DOCK5: variants seen among roughly 807,000 people sequenced by gnomAD.
DOCK5 encodes the protein dedicator of cytokinesis 5.
A neutral mutation model predicts 251.8 loss-of-function variants in DOCK5; 142 were observed. The ratio of observed to expected loss-of-function variants is 0.56; its 90% confidence interval spans 0.49 to 0.65. DOCK5 has a LOEUF of 0.65. Among genes scored for constraint, DOCK5 ranks in the 30% least tolerant of loss-of-function variants. DOCK5 has a pLI of 0.00. For synonymous variants in DOCK5, 842 were observed against 835.5 expected (o/e 1.01, Z -0.13); for missense variants, 2,111 against 2,312.3 (o/e 0.91, Z 1.79).
At chr8:25,323,444 C>T (rs1176096614) in intron 16 of DOCK5, among the ~76,000 whole-genome samples, 1 of 152,116 alleles carries the variant, frequency 6.6e-6, no homozygotes, top group East Asian at 1.9e-4. Context: ...AGCCTAGAGA[C>T]AGAGAGATGC....
At chr8:25,318,387 C>T (rs1805319312) in intron 14 of DOCK5, among the ~76,000 whole-genome samples, 1 of 152,104 alleles carries the variant, frequency 6.6e-6, no homozygotes, top group Non-Finnish European at 1.5e-5. Flanking sequence ...CCATGTGCTG[C>T]CTGCTTTGCT....
chr8:25,290,953 G>A (rs960672583), intron 5 of DOCK5, among the ~76,000 whole-genome samples: 1 of 152,162 alleles, frequency 6.6e-6, no homozygotes, highest in Non-Finnish European at 1.5e-5. Flanking sequence ...AAAGGATAGG[G>A]GTGGGGTAGA....
rs1805231157 is a variant in DOCK5, at chr8:25,315,767, C to T, written c.1319-1240C>T. Reference sequence around the variant, plus strand: ...GTTTCTCCATTGACAAAGAGTGTGTCAAGTAAGATTTCAAACTGTGCTGTG... The same window carrying T: ...GTTTCTCCATTGACAAAGAGTGTGTTAAGTAAGATTTCAAACTGTGCTGTG... On this transcript the variant is annotated intron_variant, in intron 13 of 51. Coordinates refer to ENST00000276440, the MANE Select transcript of DOCK5 (RefSeq NM_024940.8). Among the ~76,000 whole-genome samples the T allele has an allele frequency of 2.0e-5, 3 of 152,294 alleles. No individual in the cohort carries two copies. The South Asian group carries it at 6.2e-4, about 32-fold the overall frequency.
chr8:25,301,040 A>G (rs1804747140), intron 9 of DOCK5, among the ~76,000 whole-genome samples: 1 of 152,256 alleles, frequency 6.6e-6, no homozygotes, highest in South Asian at 2.1e-4. Context: ...TCTCTACTAA[A>G]GAATTTAAAA....
At chr8:25,201,535 C>T (rs182445363) in intron 1 of DOCK5, among the ~76,000 whole-genome samples, 1 of 152,318 alleles carries the variant, frequency 6.6e-6, no homozygotes, top group African/African-American at 2.4e-5. Context: ...CTGATTACTA[C>T]CTTTAGTCCT....
chr8:25,241,045 A>G (rs1469055024), intron 1 of DOCK5, among the ~76,000 whole-genome samples: 2 of 152,222 alleles, frequency 1.3e-5, no homozygotes, highest in Non-Finnish European at 2.9e-5. Context: ...TTATAAAGAT[A>G]TATGCGATTG....
chr8:25,228,022 C>A (rs972438381), intron 1 of DOCK5, among the ~76,000 whole-genome samples: 4 of 152,106 alleles, frequency 2.6e-5, no homozygotes, highest in African/African-American at 9.6e-5. Context: ...GTAGCTGGGA[C>A]CACAGACATG....
chr8:25,280,178 CCTAT>C (rs1804152135), intron 5 of DOCK5, among the ~76,000 whole-genome samples: 1 of 152,168 alleles, frequency 6.6e-6, no homozygotes, highest in South Asian at 2.1e-4. Context: ...ACCAGAAATT[CCTAT>C]GGCGAATGTA....
chr8:25,291,480 C>T (rs56151329), intron 5 of DOCK5, among the ~76,000 whole-genome samples: 5,354 of 149,376 alleles, frequency 0.036, 332 homozygotes, highest in African/African-American at 0.12. Context: ...GTCAGGAGTT[C>T]GAGACCAGCC....
chr8:25,355,201 T>C (rs115924497), intron 27 of DOCK5, among the ~76,000 whole-genome samples: 2,806 of 152,284 alleles, frequency 0.018, 80 homozygotes, highest in African/African-American at 0.064. Flanking sequence ...GCCACTGTGC[T>C]TCAGCCTGGG....
At chr8:25,351,669 G>C in intron 26 of DOCK5, 62 bp from the exon 27 acceptor site, 1 of 1,320,102 alleles carries the variant, frequency 7.6e-7, no homozygotes, top group Non-Finnish European at 1.1e-6. Flanking sequence ...TCTATCTGAG[G>C]TTCCTTAAAG....
intron 26 of DOCK5, among the ~76,000 whole-genome samples, chr8:25,345,916 C>A (rs1374794119): frequency 1.3e-5 from 2 of 151,978 alleles, no homozygotes; most frequent in East Asian, 3.9e-4. Flanking sequence ...GTGGCGCGAT[C>A]TCGGCTCACT....
In DOCK5 at chr8:25,410,190, G is replaced by A. The variant is rs1368740038; in HGVS notation, c.5496G>A (p.Arg1832=). Residue 1832 remains arginine, a synonymous_variant, in exon 51 of 52, where the codon AGG becomes AGA. Coordinates refer to ENST00000276440, the MANE Select transcript of DOCK5 (RefSeq NM_024940.8). ...GCAAGCCCTATGAAGGCAGCCAGAG[G>A]AACTCCACTGAGGTAGGGAAATCAC... The part of the protein sequence containing the change: ...PKSKPYEGSQ[R]NSTELAPPLP... 1.9e-6 allele frequency: 3 copies of A among 1,613,410 alleles called. No homozygotes were observed. The highest frequency in any genetic ancestry group is 1.7e-5 in the Admixed American group (1 of 59,932).
chr8:25,287,198 G>A (rs574077111), intron 5 of DOCK5, among the ~76,000 whole-genome samples: 13 of 152,330 alleles, frequency 8.5e-5, no homozygotes, highest in African/African-American at 2.9e-4. Context: ...AGGCCGAGGT[G>A]GGAGGATCAC....
intron 51 of DOCK5, 53 bp from the exon 52 acceptor site, chr8:25,411,141 A>G: frequency 6.9e-7 from 1 of 1,458,524 alleles, no homozygotes; most frequent in Non-Finnish European, 9.1e-7. Flanking sequence ...GAGAAGGCAG[A>G]ATTGGGAAGA....
chr8:25,323,411 A>G (rs950897286), intron 16 of DOCK5, among the ~76,000 whole-genome samples: 2 of 152,218 alleles, frequency 1.3e-5, no homozygotes, highest in Admixed American at 1.3e-4. Context: ...TCATTCCAAC[A>G]TAGAGAATGT....
chr8:25,225,067 G>A (rs1802495418), intron 1 of DOCK5, among the ~76,000 whole-genome samples: 1 of 152,192 alleles, frequency 6.6e-6, no homozygotes, highest in Non-Finnish European at 1.5e-5. Flanking sequence ...TAGAATGGCT[G>A]TTATCAAAAA....
intron 1 of DOCK5, among the ~76,000 whole-genome samples, chr8:25,215,298 G>A (rs1407080902): frequency 6.6e-6 from 1 of 152,086 alleles, no homozygotes; most frequent in Non-Finnish European, 1.5e-5. Flanking sequence ...GGGAACAGAG[G>A]GCCTTTGGAC....
intron 18 of DOCK5, 88 bp from the exon 19 acceptor site, chr8:25,332,163 T>A: frequency 1.1e-6 from 1 of 917,682 alleles, no homozygotes; most frequent in South Asian, 1.6e-5. Context: ...TGAGAGCAAT[T>A]ACCTGTTCTA....
Sources: allele counts gnomAD v4.1 joint callset (sites outside exome capture counted in the v4.1 genomes callset), GRCh38; gene constraint gnomAD v4.1.1; transcripts MANE v1.5; gene names NCBI Gene and HGNC (gene_info 2026-07-23, HGNC 2026-07-21).